Variants in BRME1 observed in about 807,000 individuals in gnomAD.
BRME1 encodes break repair meiotic recombinase recruitment factor 1, also known as BRCA2 and MEILB2-associating protein 1.
BRME1 carries 31 observed loss-of-function variants against 52.6 expected under a neutral mutation model. The ratio of observed to expected loss-of-function variants is 0.59; its 90% CI spans 0.44 to 0.80. The LOEUF is 0.80. BRME1 is among the 30% of genes least tolerant of loss of function. BRME1 has a pLI of 0.00. For synonymous variants in BRME1, 359 were observed against 353.6 expected (o/e 1.02, Z -0.17); for missense variants, 804 against 860.3 (o/e 0.93, Z 0.82).
At chr19:13,902,049 G>GAA (rs916040749) in intron 2 of BRME1, among the ~76,000 whole-genome samples, 8 of 139,564 alleles carry the variant, frequency 5.7e-5, no homozygotes, top group Admixed American at 7.2e-5. Context: ...TCGAAAAAAA[G>GAA]AAAAAAAAAA....
intron 1 of BRME1, among the ~76,000 whole-genome samples, chr19:13,905,164 C>T (rs1482982337): frequency 1.3e-5 from 2 of 151,968 alleles, no homozygotes; most frequent in Admixed American, 6.6e-5. Flanking sequence ...GACAAATGGG[C>T]CCTGGGGGGT....
chr19:13,898,707 T>C (rs1176165214), intron 2 of BRME1, among the ~76,000 whole-genome samples: 2 of 151,926 alleles, frequency 1.3e-5, no homozygotes, highest in South Asian at 2.1e-4. Context: ...GCGGATCCCC[T>C]GAGGTCGGGA....
In BRME1 at chr19:13,893,193, G is replaced by A; in HGVS notation, c.237C>T (p.Cys79=). Residue 79 remains cysteine, a synonymous_variant, in exon 4 of 9, where the codon TGC becomes TGT. Transcript: ENST00000586783. Reference sequence around the variant, plus strand: ...CCTTTTCTGGTTGACGGAGGAGCCGGCAGGGAGATCCTGTTTCCTCATCAG... The same window carrying A: ...CCTTTTCTGGTTGACGGAGGAGCCGACAGGGAGATCCTGTTTCCTCATCAG... ...SSPDEETGSP[C]RLLRQPEKEP... 1 of 1,589,622 alleles carries A rather than the reference G, an allele frequency of 6.3e-7. No homozygotes were observed. Among genetic ancestry groups the A allele is most frequent in the Non-Finnish European group, 8.5e-7 (1 of 1,169,876 alleles).
chr19:13,889,387 T>G lies in BRME1; in HGVS notation c.1469A>C (p.Asp490Ala), dbSNP rs765845203. 6.2e-7 allele frequency: 1 copy of G among 1,614,050 alleles called. No individual in the cohort carries two copies. The highest frequency in any genetic ancestry group is 1.1e-5 in the South Asian group (1 of 91,086). The change falls in exon 6 of 9, where the codon GAC becomes GCC. Residue 490 changes from aspartate to alanine, a missense_variant. Asp to Ala is a moderately radical substitution (Grantham distance 126, BLOSUM62 -2). Coordinates refer to ENST00000586783, the MANE Select transcript of BRME1 (RefSeq NM_001345843.2). Reference sequence around the variant, plus strand: ...AGCCCCGGGCTCCTGGAGAGGGTCGTCTGCTATTTCTCTGTGTTCCAGCAC... The same window carrying G: ...AGCCCCGGGCTCCTGGAGAGGGTCGGCTGCTATTTCTCTGTGTTCCAGCAC... ...SVVLEHREIA[D>A]DPLQEPGAQQ...
At chr19:13,903,551 T>C (rs761362163) in intron 2 of BRME1, among the ~76,000 whole-genome samples, 3 of 151,738 alleles carry the variant, frequency 2.0e-5, no homozygotes, top group Non-Finnish European at 2.9e-5. Flanking sequence ...TGCACATCTG[T>C]AGTCCCAGCT....
chr19:13,885,858 A>G lies in BRME1; in HGVS notation c.1763+103T>C. 3.2e-6 allele frequency: 3 copies of G among 948,882 alleles called. No individual in the cohort carries two copies. In the South Asian group the frequency reaches 4.5e-5, roughly 14 times the overall value. 58.8% of individuals were successfully genotyped at this position (948,882 alleles called of 1,614,324 possible). A position where few individuals can be genotyped will look rare whatever the true frequency, so the allele number is the denominator to read the frequency against. Reference sequence around the variant, plus strand: ...CTCCCCTGCTGGACTGAGGAAGTCGAGGCCCAGGGAGGGAGAACTGGGGTC... The same window carrying G: ...CTCCCCTGCTGGACTGAGGAAGTCGGGGCCCAGGGAGGGAGAACTGGGGTC... On this transcript the variant is annotated intron_variant, in intron 7 of 8. Transcript: ENST00000586783.
chr19:13,892,673 G>A (rs1969588371), intron 5 of BRME1, 113 bp downstream of exon 5: 1 of 713,784 alleles, frequency 1.4e-6, no homozygotes, highest in African/African-American at 1.8e-5. Flanking sequence ...GGTGGGTGGA[G>A]AGGTGCAGGC....
chr19:13,890,997 G>C (rs540402733), intron 5 of BRME1, among the ~76,000 whole-genome samples: 1 of 152,052 alleles, frequency 6.6e-6, no homozygotes, highest in African/African-American at 2.4e-5. Flanking sequence ...TACCAGGGCC[G>C]GCGACTGGAG....
At position 13,890,554 on chromosome 19, in the gene BRME1, T is replaced by C. The variant is rs189227404; in HGVS notation, c.394-92A>G. 187 of 1,261,122 alleles carry C rather than the reference T, an allele frequency of 1.5e-4. No individual in the cohort carries two copies. In the African/African-American group the frequency reaches 2.5e-3, roughly 17 times the overall value. The allele number at this position is 1,261,122 out of a possible 1,614,324, so 78.1% of individuals were successfully genotyped here. A position where few individuals can be genotyped will look rare whatever the true frequency, so the allele number is the denominator to read the frequency against. ...AGGTTGGTGTAAAAGTAATTGCGGG[T>C]TTTGTCATTACTTTTAATGGCAAAA... On this transcript the variant is annotated intron_variant, in intron 5 of 8. Transcript: ENST00000586783.
chr19:13,892,647 G>T, intron 5 of BRME1, 139 bp downstream of exon 5: 1 of 643,056 alleles, frequency 1.6e-6, no homozygotes, highest in Non-Finnish European at 2.8e-6. Flanking sequence ...CATCCATAGC[G>T]CAATGTACTG....
At chr19:13,887,226 T>C (rs113181635) in intron 6 of BRME1, among the ~76,000 whole-genome samples, 1,720 of 152,326 alleles carry the variant, frequency 0.011, 16 homozygotes, top group Non-Finnish European at 0.018. Context: ...CCTGCCCATG[T>C]TGGGAGACAC....
rs771873377 is a variant in BRME1, at chr19:13,892,832, T to G, written c.347A>C (p.Lys116Thr). The G allele has an allele frequency of 6.2e-7, 1 of 1,614,190 alleles. No individual in the cohort carries two copies. Among genetic ancestry groups the G allele is most frequent in the Non-Finnish European group, 8.5e-7 (1 of 1,179,998 alleles). ...FAKSRKTVTR[K>T]EEMKDEDRGS... ...ACGGTCCTCATCCTTCATCTCTTCT[T>G]TTCTTGTCACTGTCTTCCTGGATTT... Residue 116 changes from lysine to threonine, a missense_variant, in exon 5 of 9, where the codon AAA (lysine) becomes ACA (threonine). This residue lies in a region of BRME1 where 234 missense variants were observed against 258.1 expected (regional missense o/e 0.91). Coordinates refer to ENST00000586783, the MANE Select transcript of BRME1 (RefSeq NM_001345843.2).
chr19:13,900,520 C>G (rs886903411), intron 2 of BRME1, among the ~76,000 whole-genome samples: 10 of 152,204 alleles, frequency 6.6e-5, no homozygotes, highest in African/African-American at 9.7e-5. Flanking sequence ...CATTTCCTCT[C>G]CTGTCCCATA....
chr19:13,900,464 G>A (rs192886773), intron 2 of BRME1, among the ~76,000 whole-genome samples: 1 of 152,272 alleles, frequency 6.6e-6, no homozygotes, highest in Admixed American at 6.5e-5. Context: ...ATGCCTCCAA[G>A]CAGCCTGTTG....
rs752461358 is a variant in BRME1, at chr19:13,889,412, C to A, written c.1444G>T (p.Val482Leu). ...TCTGCTATTTCTCTGTGTTCCAGCA[C>A]AACAGAGGCTTGCGGGGACACACGG... ...GFRVSPQASV[V>L]LEHREIADDP... Residue 482 changes from valine (V) to leucine (L), a missense_variant, in exon 6 of 9, where the codon GTG becomes TTG. By Grantham distance (32) the Val-to-Leu change is conservative (BLOSUM62 1). This residue lies in a region of BRME1 where 552 missense variants were observed against 561.1 expected (regional missense o/e 0.98). Coordinates refer to ENST00000586783, the MANE Select transcript of BRME1 (RefSeq NM_001345843.2). The A allele has an allele frequency of 2.5e-6, 4 of 1,614,042 alleles. No homozygotes were observed. The highest frequency in any genetic ancestry group is 1.3e-5 in the African/African-American group (1 of 75,048).
intron 3 of BRME1, 102 bp from the exon 4 acceptor site, chr19:13,893,325 G>T: frequency 1.0e-6 from 1 of 992,254 alleles, no homozygotes; most frequent in Non-Finnish European, 1.5e-6. Context: ...GATCACCGAG[G>T]CCAGGAGTTC....
intron 6 of BRME1, 122 bp downstream of exon 6, chr19:13,889,066 G>A: frequency 2.2e-6 from 2 of 910,156 alleles, no homozygotes; most frequent in African/African-American, 1.7e-5. Context: ...GTCGTTGGCT[G>A]TGTAAATGGT....
chr19:13,895,631 C>A, intron 2 of BRME1, 85 bp from the exon 3 acceptor site: 1 of 1,257,100 alleles, frequency 8.0e-7, no homozygotes, highest in Non-Finnish European at 1.1e-6. Context: ...CCACTACAAC[C>A]AGGCTGCACG....
At chr19:13,904,784 A>C (rs538541082) in intron 2 of BRME1, 78 bp downstream of exon 2, 25 of 1,457,814 alleles carry the variant, frequency 1.7e-5, no homozygotes, top group Non-Finnish European at 2.2e-5. Flanking sequence ...CGTGTTAGCC[A>C]GATCTGCAAT....
Sources: allele counts gnomAD v4.1 joint callset (sites outside exome capture counted in the v4.1 genomes callset), GRCh38; gene constraint gnomAD v4.1.1; regional missense constraint gnomAD v4.1.1; transcripts MANE v1.5; gene names NCBI Gene and HGNC (gene_info 2026-07-23, HGNC 2026-07-21).